Variants in ACSL1 observed in about 807,000 individuals in gnomAD.
The protein encoded by ACSL1 is acyl-CoA synthetase long chain family member 1, also known as long-chain-fatty-acid--CoA ligase 1.
A neutral mutation model predicts 98.4 loss-of-function variants in ACSL1; 41 were observed. The ratio of observed to expected loss-of-function variants is 0.42; its 90% CI spans 0.32 to 0.54. The LOEUF (loss-of-function observed/expected upper bound fraction) is 0.54. Ranked by LOEUF, ACSL1 falls within the 20% of genes least tolerant of loss-of-function variation. The pLI is 0.13. For synonymous variants in ACSL1, 316 were observed against 322.7 expected (o/e 0.98, Z 0.22); for missense variants, 734 against 883.1 (o/e 0.83, Z 2.14).
chr4:184,794,469 A>G (rs1275979306), intron 2 of ACSL1, among the ~76,000 whole-genome samples: 1 of 152,240 alleles, frequency 6.6e-6, no homozygotes, highest in Non-Finnish European at 1.5e-5. Context: ...CTACTGAACT[A>G]GCTGACTTCC....
chr4:184,777,372 T>C (rs1020665898), intron 5 of ACSL1, among the ~76,000 whole-genome samples: 1 of 151,826 alleles, frequency 6.6e-6, no homozygotes, highest in African/African-American at 2.4e-5. Flanking sequence ...GCGGGAGGAT[T>C]GCTTGAACCC....
In ACSL1 at chr4:184,764,914, T is replaced by A; in HGVS notation, c.1371A>T (p.Gly457=). 6.2e-7 allele frequency: 1 copy of A among 1,613,912 alleles called. No homozygotes were observed. Among genetic ancestry groups the A allele is most frequent in the Non-Finnish European group, 8.5e-7 (1 of 1,179,926 alleles). ...RAALGCQFYE[G]YGQTECTAGC... Reference sequence around the variant, plus strand: ...CGGCAGTGCACTCTGTCTGTCCGTATCCTTCATAAAACTGGGGCACCAAGA... The same window carrying A: ...CGGCAGTGCACTCTGTCTGTCCGTAACCTTCATAAAACTGGGGCACCAAGA... The change falls in exon 15 of 21, where the codon GGA becomes GGT. Residue 457 remains glycine, a synonymous_variant. Transcript: ENST00000281455.
intron 1 of ACSL1, among the ~76,000 whole-genome samples, chr4:184,810,902 G>A (rs974256996): frequency 1.3e-5 from 2 of 152,122 alleles, no homozygotes; most frequent in African/African-American, 4.8e-5. Context: ...GGTTGTTACT[G>A]CCTTCAGCTC....
chr4:184,760,583 T>C, intron 17 of ACSL1, 83 bp from the exon 18 acceptor site: 6 of 1,533,214 alleles, frequency 3.9e-6, no homozygotes, highest in Non-Finnish European at 5.3e-6. Context: ...CACTGAAAGG[T>C]ATTTAATACA....
intron 1 of ACSL1, chr4:184,805,541 ACAGCTGACTACTAGGTGACAC>A (rs1771292761): frequency 1.0e-6 from 1 of 985,298 alleles, no homozygotes; most frequent in Non-Finnish European, 1.2e-6. Context: ...TGTGCCACCA[ACAGCTGACTACTAGGTGACAC>A]CCCACTGCAG....
rs929959760 is a variant in ACSL1 at position 184,766,126 on chromosome 4, G to C, written c.1264-140C>G. On this transcript the variant is annotated intron_variant, in intron 13 of 20. Transcript: ENST00000281455. This position sits in a 1 kb window ranked among gnomAD's most constrained non-coding sequence, Gnocchi z 4.8. ...ACGGAGGCCACACGGAGAACTCACAGCCCTCATGATGGCAGCACAGGGCTA... is the reference window on the plus strand; with the variant it reads ...ACGGAGGCCACACGGAGAACTCACACCCCTCATGATGGCAGCACAGGGCTA... 20 of 727,582 alleles carry C rather than the reference G, an allele frequency of 2.7e-5. No individual in the cohort carries two copies. The highest frequency in any genetic ancestry group is 5.5e-5 in the East Asian group (2 of 36,400). 45.1% of individuals were successfully genotyped at this position (727,582 alleles called of 1,614,324 possible).
chr4:184,787,774 G>C (rs988019152), intron 3 of ACSL1, among the ~76,000 whole-genome samples: 2 of 152,030 alleles, frequency 1.3e-5, no homozygotes, highest in African/African-American at 4.8e-5. Flanking sequence ...TGAGGCAGGA[G>C]AATCACTTGA....
chr4:184,790,372 T>G (rs931089159), intron 2 of ACSL1, among the ~76,000 whole-genome samples: 1 of 152,262 alleles, frequency 6.6e-6, no homozygotes, highest in African/African-American at 2.4e-5. Flanking sequence ...CCAGTCTTTT[T>G]TTTATGCTTA....
intron 2 of ACSL1, among the ~76,000 whole-genome samples, chr4:184,794,414 T>A (rs1768970999): frequency 6.6e-6 from 1 of 152,214 alleles, no homozygotes; most frequent in African/African-American, 2.4e-5. Context: ...GAACTGTAAA[T>A]GTCACAAGGT....
chr4:184,760,552 C>A, intron 17 of ACSL1, 52 bp from the exon 18 acceptor site: 1 of 1,607,588 alleles, frequency 6.2e-7, no homozygotes, highest in Non-Finnish European at 8.5e-7. Context: ...TGGTTTCCAA[C>A]CAGGATGGAT....
intron 10 of ACSL1, among the ~76,000 whole-genome samples, chr4:184,772,214 G>A (rs953389496): frequency 1.3e-5 from 2 of 152,186 alleles, no homozygotes; most frequent in East Asian, 1.9e-4. Context: ...ACTCTGTTTA[G>A]AAAGTATACA....
At chr4:184,822,461 G>C (rs1486932976) in intron 1 of ACSL1, among the ~76,000 whole-genome samples, 2 of 152,196 alleles carry the variant, frequency 1.3e-5, no homozygotes, top group African/African-American at 4.8e-5. Context: ...AAGTGGGCTG[G>C]GTGCAGTGGC....
At chr4:184,770,613 A>T (rs1016389118) in intron 10 of ACSL1, 137 bp from the exon 11 acceptor site, 3 of 677,986 alleles carry the variant, frequency 4.4e-6, no homozygotes, top group Non-Finnish European at 7.7e-6. Context: ...GCTAAATGAC[A>T]AGTTTATGGG....
At chr4:184,785,851 A>T (rs1332122910) in intron 3 of ACSL1, among the ~76,000 whole-genome samples, 2 of 152,246 alleles carry the variant, frequency 1.3e-5, no homozygotes, top group Admixed American at 6.5e-5. Flanking sequence ...ATTTACATGT[A>T]TACAGCAGGT....
At chr4:184,809,963 G>C (rs1771882516) in intron 1 of ACSL1, among the ~76,000 whole-genome samples, 1 of 152,182 alleles carries the variant, frequency 6.6e-6, no homozygotes, top group African/African-American at 2.4e-5. Context: ...TTCCACTGAA[G>C]TTGTTGAAAT....
chr4:184,825,585 C>T lies in ACSL1; in HGVS notation c.-33+331G>A, dbSNP rs1399139352. Among the ~76,000 whole-genome samples the T allele has an allele frequency of 6.6e-6, 1 of 151,304 alleles. No individual in the cohort carries two copies. Among genetic ancestry groups the T allele is most frequent in the Non-Finnish European group, 1.5e-5 (1 of 67,768 alleles). On this transcript the variant is annotated intron_variant, in intron 1 of 20. Transcript: ENST00000281455. The surrounding 1 kb of genome is among the most constrained non-coding windows in gnomAD (Gnocchi z 4.7). Reference sequence around the variant, plus strand: ...GAAGCGCGGCCTCCGGCTGCTTCGCCGGGCCGGTCCCCGCCGCCGCACACA... The same window carrying T: ...GAAGCGCGGCCTCCGGCTGCTTCGCTGGGCCGGTCCCCGCCGCCGCACACA...
chr4:184,784,101 T>C lies in ACSL1; in HGVS notation c.311-110A>G, dbSNP rs551058235. ...ACTAAACATCAGCTAGACTCTACTT[T>C]AGTCCTCAGATAAGAAATGGTGGCT... On this transcript the variant is annotated intron_variant, in intron 3 of 20. Transcript: ENST00000281455. The C allele has an allele frequency of 1.8e-5, 15 of 829,578 alleles. No homozygotes were observed. The East Asian group carries it at 3.4e-4, about 19-fold the overall frequency. 51.4% of individuals were successfully genotyped at this position (829,578 alleles called of 1,614,324 possible). A position where few individuals can be genotyped will look rare whatever the true frequency, so the allele number is the denominator to read the frequency against.
rs1431345655 is a variant in ACSL1 at position 184,803,836 on chromosome 4, C to A, written c.-32-290G>T. The stretch of plus-strand genomic sequence containing the variant: ...GATTTTACTCAAGAAGAATTCTTCC[C>A]ATAAAAACTCAAATAAGTAGATTTA... On this transcript the variant is annotated intron_variant, in intron 1 of 20. Coordinates refer to ENST00000281455, the MANE Select transcript of ACSL1 (RefSeq NM_001995.5). This position sits in a 1 kb window ranked among gnomAD's most constrained non-coding sequence, Gnocchi z 4.8. 6.6e-6 allele frequency among the ~76,000 whole-genome samples: 1 copy of A among 152,180 alleles called. No homozygotes were observed.
intron 1 of ACSL1, among the ~76,000 whole-genome samples, chr4:184,819,436 C>A (rs187756341): frequency 8.8e-4 from 134 of 152,182 alleles, no homozygotes; most frequent in African/African-American, 3.1e-3. Flanking sequence ...AGCTACCACA[C>A]CCAGCCTAGA....
Sources: allele counts gnomAD v4.1 joint callset (sites outside exome capture counted in the v4.1 genomes callset), GRCh38; gene constraint gnomAD v4.1.1; non-coding constraint Gnocchi (gnomAD v3.1); transcripts MANE v1.5; gene names NCBI Gene and HGNC (gene_info 2026-07-23, HGNC 2026-07-21).